Variants in LRRC1 observed in about 807,000 individuals in gnomAD.
LRRC1 encodes the protein leucine rich repeat containing 1, also known as leucine-rich repeat-containing protein 1.
A neutral mutation model predicts 69.9 loss-of-function variants in LRRC1; 28 were observed. The ratio of observed to expected loss-of-function variants is 0.40; its 90% CI spans 0.30 to 0.55. The LOEUF (loss-of-function observed/expected upper bound fraction) is 0.55, where lower values mean the gene tolerates loss of function less well. LRRC1 is among the 20% of genes least tolerant of loss of function. The pLI is 0.47. For synonymous variants in LRRC1, 236 were observed against 240.2 expected, an observed-to-expected ratio of 0.98 and a Z score of 0.16; for missense variants, 498 against 609.0, an observed-to-expected ratio of 0.82 and a Z score of 1.92.
chr6:53,828,494 C>T (rs4612163), intron 1 of LRRC1, among the ~76,000 whole-genome samples: 3 of 152,034 alleles, frequency 2.0e-5, no homozygotes, highest in Admixed American at 2.0e-4. Flanking sequence ...ACCCTGTGTT[C>T]CTTTTGTGCA....
In LRRC1 at chr6:53,823,018, T is replaced by G. The variant is rs572771711; in HGVS notation, c.160-19092T>G. On this transcript the variant is annotated intron_variant, in intron 1 of 13. Transcript: ENST00000370888. ...AATACACGAAAATAGCTTGGATATT[T>G]GGACACATCTCCCAACTTTAAGCTA... Among the ~76,000 whole-genome samples the G allele has an allele frequency of 1.4e-4, 22 of 152,322 alleles. No homozygotes were observed. In the South Asian group the frequency reaches 3.9e-3, roughly 27 times the overall value.
At chr6:53,828,856 C>T (rs1765345614) in intron 1 of LRRC1, among the ~76,000 whole-genome samples, 1 of 152,218 alleles carries the variant, frequency 6.6e-6, no homozygotes, top group Non-Finnish European at 1.5e-5. Context: ...CACTTAGCCT[C>T]ATCCTACCAG....
intron 1 of LRRC1, among the ~76,000 whole-genome samples, chr6:53,810,486 C>T (rs867123384): frequency 5.3e-5 from 8 of 151,804 alleles, no homozygotes; most frequent in South Asian, 4.2e-4. Flanking sequence ...CGGGCGTGGT[C>T]GTGGGCACCT....
At chr6:53,823,830 T>C (rs1442231708) in intron 1 of LRRC1, among the ~76,000 whole-genome samples, 1 of 152,232 alleles carries the variant, frequency 6.6e-6, no homozygotes, top group Non-Finnish European at 1.5e-5. Flanking sequence ...CTCATTCTCT[T>C]TCATGGCTGC....
chr6:53,804,032 C>T (rs1424842976), intron 1 of LRRC1, among the ~76,000 whole-genome samples: 1 of 152,178 alleles, frequency 6.6e-6, no homozygotes, highest in East Asian at 1.9e-4. Context: ...GCTCTGACTG[C>T]TTGACTTGAT....
At chr6:53,909,927 A>G (rs1444336699) in intron 10 of LRRC1, among the ~76,000 whole-genome samples, 1 of 152,204 alleles carries the variant, frequency 6.6e-6, no homozygotes, top group Non-Finnish European at 1.5e-5. Context: ...GCAAGCATTT[A>G]AAAAATGGAA....
intron 10 of LRRC1, among the ~76,000 whole-genome samples, chr6:53,907,235 TA>T: frequency 6.6e-6 from 1 of 152,352 alleles, no homozygotes; most frequent in East Asian, 1.9e-4. Context: ...TTAAGTTGCA[TA>T]CATATCTAAA....
At chr6:53,843,026 C>A (rs1401136869) in intron 2 of LRRC1, among the ~76,000 whole-genome samples, 1 of 152,158 alleles carries the variant, frequency 6.6e-6, no homozygotes, top group East Asian at 1.9e-4. Flanking sequence ...TGGGCTGGTA[C>A]TGCTCCTTGT....
intron 9 of LRRC1, 84 bp from the exon 10 acceptor site, chr6:53,904,295 T>C: frequency 1.3e-6 from 1 of 792,404 alleles, no homozygotes; most frequent in Non-Finnish European, 2.1e-6. Flanking sequence ...GATTATATTC[T>C]TTAGGTCCTT....
At chr6:53,872,819 C>G (rs1385794152) in intron 2 of LRRC1, among the ~76,000 whole-genome samples, 2 of 134,620 alleles carry the variant, frequency 1.5e-5, no homozygotes, top group Admixed American at 1.6e-4. Context: ...TTCAGTGGTA[C>G]ATTCTTGGAT....
At chr6:53,809,307 G>A (rs1166253664) in intron 1 of LRRC1, among the ~76,000 whole-genome samples, 2 of 152,152 alleles carry the variant, frequency 1.3e-5, no homozygotes, top group African/African-American at 2.4e-5. Context: ...TAAAAGTTAA[G>A]GGAAAACAAG....
chr6:53,821,340 A>G (rs1044126884), intron 1 of LRRC1, among the ~76,000 whole-genome samples: 2 of 152,188 alleles, frequency 1.3e-5, no homozygotes, highest in South Asian at 4.1e-4. Context: ...TTCTCCATTA[A>G]AAAATTTATA....
At chr6:53,870,254 G>T (rs2127426654) in intron 2 of LRRC1, among the ~76,000 whole-genome samples, 1 of 152,038 alleles carries the variant, frequency 6.6e-6, no homozygotes, top group African/African-American at 2.4e-5. Context: ...TTCTCGGTTG[G>T]CCCATCTTCT....
At chr6:53,820,109 C>G (rs1581852190) in intron 1 of LRRC1, among the ~76,000 whole-genome samples, 1 of 152,078 alleles carries the variant, frequency 6.6e-6, no homozygotes. Flanking sequence ...ATTAGATTAG[C>G]ACATTAGCTT....
At chr6:53,847,889 C>T (rs1300617286) in intron 2 of LRRC1, among the ~76,000 whole-genome samples, 1 of 152,174 alleles carries the variant, frequency 6.6e-6, no homozygotes, top group East Asian at 1.9e-4. Context: ...GAACAATTAA[C>T]CTTTTTTGTT....
chr6:53,883,216 T>C (rs1414259084), intron 4 of LRRC1, among the ~76,000 whole-genome samples: 1 of 152,192 alleles, frequency 6.6e-6, no homozygotes, highest in Non-Finnish European at 1.5e-5. Context: ...CCTAAATTGT[T>C]TGGAAGTGCT....
chr6:53,903,314 C>T (rs1217853956), intron 9 of LRRC1, among the ~76,000 whole-genome samples: 1 of 152,044 alleles, frequency 6.6e-6, no homozygotes, highest in East Asian at 1.9e-4. Flanking sequence ...GGACCAGGCT[C>T]CCACCAGACA....
intron 1 of LRRC1, among the ~76,000 whole-genome samples, chr6:53,837,561 T>C (rs1490471212): frequency 6.6e-6 from 1 of 152,192 alleles, no homozygotes; most frequent in Non-Finnish European, 1.5e-5. Flanking sequence ...TTTCAGGAAT[T>C]AATAGCATTT....
At chr6:53,807,273 CCCT>C (rs1176112624) in intron 1 of LRRC1, among the ~76,000 whole-genome samples, 1 of 152,120 alleles carries the variant, frequency 6.6e-6, no homozygotes, top group Non-Finnish European at 1.5e-5. Flanking sequence ...GACAGACCCT[CCCT>C]CCTCCTTCCC....
Sources: gnomAD v4.1 joint callset for allele counts (sites outside exome capture counted in the v4.1 genomes callset) on GRCh38, gnomAD v4.1.1 for gene constraint, MANE v1.5 for transcripts, NCBI Gene and HGNC (gene_info 2026-07-23, HGNC 2026-07-21) for gene names.